Variants in PAXBP1 observed in about 807,000 individuals in gnomAD.
PAXBP1 encodes the protein PAX3- and PAX7-binding protein 1.
Under a neutral mutation model 119.9 loss-of-function variants are expected in PAXBP1, and 44 were observed. The ratio of observed to expected loss-of-function variants is 0.37; its 90% CI spans 0.29 to 0.47. The LOEUF (loss-of-function observed/expected upper bound fraction) is 0.47, where lower values mean the gene tolerates loss of function less well. Ranked by LOEUF, PAXBP1 falls within the 20% of genes least tolerant of loss-of-function variation. The pLI is 0.99. For missense variants in PAXBP1, 898 were observed against 1,134.1 expected (o/e 0.79, Z 2.99); for synonymous variants, 393 against 406.6 (o/e 0.97, Z 0.40).
intron 4 of PAXBP1, among the ~76,000 whole-genome samples, chr21:32,761,536 CAAT>C (rs2044146563): frequency 6.6e-6 from 1 of 152,192 alleles, no homozygotes. Flanking sequence ...TGAGTTATCA[CAAT>C]GATATTAGTT....
At chr21:32,757,345 A>AT (rs111611216) in intron 7 of PAXBP1, among the ~76,000 whole-genome samples, 7 of 151,900 alleles carry the variant, frequency 4.6e-5, no homozygotes, top group African/African-American at 1.2e-4. Flanking sequence ...AGTACTCTTA[A>AT]AATGAAATAC....
chr21:32,735,430 G>GTTTTA (rs2043679814), intron 17 of PAXBP1, among the ~76,000 whole-genome samples: 1 of 152,122 alleles, frequency 6.6e-6, no homozygotes, highest in East Asian at 1.9e-4. Context: ...CCAGAGTCCT[G>GTTTTA]GCTGTTTTAG....
rs1021779861 is a variant in PAXBP1, at chr21:32,750,905, T to C, written c.1723+12A>G. ...ACTGATGATGAGTCTTATTTCCAAA[T>C]AAATGTCTAACCTTTTTCCAGATTG... On this transcript the variant is annotated intron_variant, in intron 10 of 17. Transcript: ENST00000331923. 1 of 1,586,678 alleles carries C rather than the reference T, an allele frequency of 6.3e-7. No homozygotes were observed. Among genetic ancestry groups the C allele is most frequent in the Admixed American group, 1.7e-5 (1 of 57,576 alleles).
chr21:32,761,211 G>A, intron 4 of PAXBP1, 49 bp from the exon 5 acceptor site: 2 of 1,400,092 alleles, frequency 1.4e-6, no homozygotes, highest in African/African-American at 2.8e-5. Flanking sequence ...AAAGAGCAAA[G>A]AGGTAAAAGA....
chr21:32,768,336 T>C (rs181486833), intron 2 of PAXBP1, among the ~76,000 whole-genome samples: 3 of 152,300 alleles, frequency 2.0e-5, no homozygotes, highest in Non-Finnish European at 4.4e-5. Context: ...GTTTATAAAT[T>C]ACCTAGTCTG....
intron 8 of PAXBP1, among the ~76,000 whole-genome samples, chr21:32,754,857 A>G (rs754479747): frequency 5.9e-5 from 9 of 152,218 alleles, no homozygotes; most frequent in Non-Finnish European, 1.0e-4. Flanking sequence ...GATCAACAAA[A>G]GCATTTATTT....
At chr21:32,747,217 T>G (rs1232986115) in intron 11 of PAXBP1, among the ~76,000 whole-genome samples, 10 of 152,064 alleles carry the variant, frequency 6.6e-5, no homozygotes, top group Non-Finnish European at 1.3e-4. Flanking sequence ...TCTGCACATG[T>G]ACCCTGGAAC....
chr21:32,735,138 G>C (rs1054220513), intron 17 of PAXBP1, 71 bp from the exon 18 acceptor site: 1 of 1,013,876 alleles, frequency 9.9e-7, no homozygotes, highest in Non-Finnish European at 1.5e-6. Context: ...CTGATTTCAT[G>C]GCTATTTTAG....
chr21:32,762,904 TCC>T (rs2044173814), intron 3 of PAXBP1, among the ~76,000 whole-genome samples: 1 of 119,674 alleles, frequency 8.4e-6, no homozygotes, highest in Admixed American at 9.8e-5. Context: ...AGAGCACAAC[TCC>T]GTCTCAAAAA....
intron 7 of PAXBP1, chr21:32,756,384 A>T (rs376041738): frequency 3.9e-6 from 2 of 509,440 alleles, no homozygotes; most frequent in African/African-American, 2.0e-5. Flanking sequence ...AATGGAAAAT[A>T]AAAAAAGGCA....
chr21:32,771,204 C>G (rs1464654868), intron 1 of PAXBP1, 122 bp downstream of exon 1: 1 of 934,672 alleles, frequency 1.1e-6, no homozygotes, highest in Non-Finnish European at 1.5e-6. Context: ...CGCAGCCGGT[C>G]GGACGGCAGG....
intron 11 of PAXBP1, 120 bp from the exon 12 acceptor site, chr21:32,745,838 G>A (rs7277961): frequency 0.45 from 529,199 of 1,180,216 alleles, 120,641 homozygotes; most frequent in African/African-American, 0.55. Context: ...AAAACTGGAC[G>A]GCTGGAGATA....
chr21:32,736,085 AAC>A (rs1393552062), intron 17 of PAXBP1, among the ~76,000 whole-genome samples: 1 of 152,240 alleles, frequency 6.6e-6, no homozygotes, highest in African/African-American at 2.4e-5. Context: ...TCTAGTAGAA[AAC>A]ACAGAGAAAA....
At chr21:32,764,171 T>G (rs182401113) in intron 3 of PAXBP1, among the ~76,000 whole-genome samples, 177 bp downstream of exon 3, 1 of 152,180 alleles carries the variant, frequency 6.6e-6, no homozygotes, top group African/African-American at 2.4e-5. Flanking sequence ...CTTGGAAAAG[T>G]TGGGAAACTT....
Position 32,744,792 on chromosome 21 carries a change from C to A in PAXBP1, c.2190G>T (p.Gln730His). The change falls in exon 13 of 18, where the codon CAG (glutamine) becomes CAT (histidine). Residue 730 changes from glutamine to histidine, a missense_variant and splice_region_variant. Gln to His is a conservative substitution (Grantham distance 24, BLOSUM62 0). Transcript: ENST00000331923. ...AAGGCTTCAAAAGATACTAAATTAC[C>A]TGTGTATTTTTATTTTCTGCATTCA... Reference protein sequence around the residue: ...SVVNAENKNTQVYLKALLLRM... With the variant: ...SVVNAENKNTHVYLKALLLRM... 6.4e-7 allele frequency: 1 copy of A among 1,566,768 alleles called. No homozygotes were observed. The highest frequency in any genetic ancestry group is 2.0e-5 in the Admixed American group (1 of 49,918).
At position 32,734,915 on chromosome 21, in the gene PAXBP1, G is replaced by C; in HGVS notation, c.*35C>G. The C allele has an allele frequency of 1.4e-6, 2 of 1,476,090 alleles. No individual in the cohort carries two copies. Among genetic ancestry groups the C allele is most frequent in the Non-Finnish European group, 9.5e-7 (1 of 1,055,288 alleles). The allele number at this position is 1,476,090 out of a possible 1,614,324, so 91.4% of individuals were successfully genotyped here. A position where few individuals can be genotyped will look rare whatever the true frequency, so the allele number is the denominator to read the frequency against. On this transcript the variant is annotated 3_prime_UTR_variant, in exon 18 of 18. Transcript: ENST00000331923. ...ATACAAAATTTACACATTGGGAATG[G>C]TAATCAAGCAAATAGGTTTTTCAGT...
At chr21:32,766,089 C>T (rs1304938894) in intron 2 of PAXBP1, among the ~76,000 whole-genome samples, 2 of 152,114 alleles carry the variant, frequency 1.3e-5, no homozygotes, top group Non-Finnish European at 2.9e-5. Context: ...GAGGTGAAAT[C>T]GCCCCACTGC....
chr21:32,754,543 T>G (rs2044012751), intron 8 of PAXBP1, among the ~76,000 whole-genome samples: 1 of 152,232 alleles, frequency 6.6e-6, no homozygotes, highest in Non-Finnish European at 1.5e-5. Flanking sequence ...GCTGAACTAT[T>G]TAACAAGAGG....
In PAXBP1 at chr21:32,771,752, C is replaced by G; in HGVS notation, c.-84G>C. On this transcript the variant is annotated 5_prime_UTR_variant, in exon 1 of 18. Coordinates refer to ENST00000331923, the MANE Select transcript of PAXBP1 (RefSeq NM_016631.4). ...GAGCTCGTGACGGCGCACGCGCGCT[C>G]TCCGGAGCTCCAGCCGGGTCGAGTC... 8.3e-7 allele frequency: 1 copy of G among 1,197,608 alleles called. No homozygotes were observed. Among genetic ancestry groups the G allele is most frequent in the Non-Finnish European group, 1.1e-6 (1 of 932,376 alleles). The allele number at this position is 1,197,608 out of a possible 1,614,324, so 74.2% of individuals were successfully genotyped here.
Sources: allele counts gnomAD v4.1 joint callset (sites outside exome capture counted in the v4.1 genomes callset), GRCh38; gene constraint gnomAD v4.1.1; transcripts MANE v1.5; gene names NCBI Gene and HGNC (gene_info 2026-07-23, HGNC 2026-07-21).